NCK1: variants seen among roughly 807,000 people sequenced by gnomAD.
NCK1 encodes the protein SH2/SH3 adapter protein NCK1.
A neutral mutation model predicts 36.6 loss-of-function variants in NCK1; 19 were observed. The ratio of observed to expected loss-of-function variants is 0.52; its 90% confidence interval spans 0.36 to 0.76. NCK1 has a LOEUF of 0.76. Ranked by LOEUF, NCK1 falls within the 30% of genes least tolerant of loss-of-function variation. The pLI is 0.00. For missense variants in NCK1, 358 were observed against 445.6 expected, an observed-to-expected ratio of 0.80 and a Z score of 1.77; for synonymous variants, 165 against 156.0, an observed-to-expected ratio of 1.06 and a Z score of -0.43.
chr3:136,932,684 G>C (rs1213154423), intron 2 of NCK1, among the ~76,000 whole-genome samples: 1 of 152,176 alleles, frequency 6.6e-6, no homozygotes, highest in Non-Finnish European at 1.5e-5. Flanking sequence ...AGAGAGTTGG[G>C]CAAGACTAAA....
intron 2 of NCK1, among the ~76,000 whole-genome samples, chr3:136,942,462 C>T (rs992126728): frequency 6.6e-6 from 1 of 152,158 alleles, no homozygotes; most frequent in Non-Finnish European, 1.5e-5. Context: ...AACAGAGTTT[C>T]GTTAAACACC....
intron 1 of NCK1, among the ~76,000 whole-genome samples, chr3:136,917,232 CTTT>C (rs11455373): frequency 7.2e-6 from 1 of 139,204 alleles, no homozygotes; most frequent in Non-Finnish European, 1.5e-5. Flanking sequence ...ACATTATGAG[CTTT>C]TTTTTTTTTT....
At chr3:136,878,529 G>C (rs1034665998) in intron 1 of NCK1, among the ~76,000 whole-genome samples, 3 of 152,180 alleles carry the variant, frequency 2.0e-5, no homozygotes, top group Non-Finnish European at 4.4e-5. Context: ...ACTGGGAGTA[G>C]GGGAGGTTAG....
intron 2 of NCK1, among the ~76,000 whole-genome samples, chr3:136,932,118 CAAAAAAAA>C (rs1288026754): frequency 3.4e-5 from 2 of 59,342 alleles, no homozygotes; most frequent in South Asian, 5.5e-4. Flanking sequence ...GACTCCATCT[CAAAAAAAA>C]AAAAAAAAAA....
At chr3:136,897,169 A>C (rs1319684478) in intron 1 of NCK1, among the ~76,000 whole-genome samples, 2 of 152,148 alleles carry the variant, frequency 1.3e-5, no homozygotes, top group East Asian at 3.9e-4. Flanking sequence ...GCTCACTGCA[A>C]CCTCTGCCTC....
At chr3:136,934,366 A>G (rs1014902368) in intron 2 of NCK1, among the ~76,000 whole-genome samples, 1 of 150,318 alleles carries the variant, frequency 6.7e-6, no homozygotes, top group East Asian at 2.0e-4. Flanking sequence ...GCTCACTGCA[A>G]CCTCTGCCTT....
intron 1 of NCK1, among the ~76,000 whole-genome samples, chr3:136,865,408 C>T (rs1217452342): frequency 1.3e-5 from 2 of 152,128 alleles, no homozygotes; most frequent in East Asian, 1.9e-4. Flanking sequence ...CAAAAATTTT[C>T]TAGAGTTTTA....
intron 1 of NCK1, among the ~76,000 whole-genome samples, chr3:136,881,521 T>A (rs1005684556): frequency 8.5e-5 from 13 of 152,184 alleles, no homozygotes; most frequent in African/African-American, 2.7e-4. Flanking sequence ...CCAGCTTCTA[T>A]TTTTTATTGT....
intron 1 of NCK1, among the ~76,000 whole-genome samples, chr3:136,862,808 C>T (rs1025048941): frequency 3.3e-5 from 5 of 152,316 alleles, no homozygotes; most frequent in Non-Finnish European, 5.9e-5. Context: ...GGAGGGGAGG[C>T]GTCAGCCTGC....
chr3:136,893,198 A>ACACACACACACACCATATT (rs1347213828), intron 1 of NCK1, among the ~76,000 whole-genome samples: 1 of 132,162 alleles, frequency 7.6e-6, no homozygotes, highest in African/African-American at 2.8e-5. Flanking sequence ...ATATACACAC[A>ACACACACACACACCATATT]TGTGCAAGTA....
chr3:136,925,406 C>T (rs1389252377), intron 1 of NCK1, among the ~76,000 whole-genome samples: 2 of 152,094 alleles, frequency 1.3e-5, no homozygotes, highest in Non-Finnish European at 2.9e-5. Flanking sequence ...ATTGCGAGAT[C>T]CAGTGTATGC....
At chr3:136,918,563 C>T (rs1318921059) in intron 1 of NCK1, among the ~76,000 whole-genome samples, 1 of 152,174 alleles carries the variant, frequency 6.6e-6, no homozygotes, top group African/African-American at 2.4e-5. Flanking sequence ...GCACTGATTT[C>T]CCTTAGATTA....
At chr3:136,934,422 A>T (rs927184160) in intron 2 of NCK1, among the ~76,000 whole-genome samples, 1 of 151,850 alleles carries the variant, frequency 6.6e-6, no homozygotes, top group African/African-American at 2.4e-5. Context: ...AGTAGCTGGG[A>T]TTACAGGTGC....
chr3:136,888,146 T>C (rs1939124106), intron 1 of NCK1, among the ~76,000 whole-genome samples: 1 of 152,040 alleles, frequency 6.6e-6, no homozygotes, highest in South Asian at 2.1e-4. Context: ...GGTTTCGCCA[T>C]GTTGGCCAGG....
intron 1 of NCK1, among the ~76,000 whole-genome samples, chr3:136,876,262 A>G (rs1409125805): frequency 1.3e-5 from 2 of 152,338 alleles, no homozygotes; most frequent in Middle Eastern, 3.4e-3. Flanking sequence ...GCAAGAGCAA[A>G]CACATTCAAA....
intron 1 of NCK1, among the ~76,000 whole-genome samples, chr3:136,920,717 A>G (rs887115479): frequency 6.6e-6 from 1 of 152,210 alleles, no homozygotes; most frequent in African/African-American, 2.4e-5. Context: ...CAAACGTAAG[A>G]GCAATAATCT....
At chr3:136,931,456 A>T (rs1345735415) in intron 2 of NCK1, among the ~76,000 whole-genome samples, 1 of 152,184 alleles carries the variant, frequency 6.6e-6, no homozygotes, top group Non-Finnish European at 1.5e-5. Context: ...TTTGTTGAAA[A>T]AGAATGTTGT....
At chr3:136,882,098 A>G (rs1407024329) in intron 1 of NCK1, among the ~76,000 whole-genome samples, 2 of 152,096 alleles carry the variant, frequency 1.3e-5, no homozygotes. Context: ...AGGAACCACC[A>G]TACCATTTTC....
intron 3 of NCK1, chr3:136,947,028 A>G (rs1940847261): frequency 6.6e-6 from 1 of 152,150 alleles, no homozygotes; most frequent in East Asian, 1.9e-4. Flanking sequence ...CATTTATTAA[A>G]TCATGGTTAA....
Sources: gnomAD v4.1 joint callset for allele counts (sites outside exome capture counted in the v4.1 genomes callset) on GRCh38, gnomAD v4.1.1 for gene constraint, MANE v1.5 for transcripts, NCBI Gene and HGNC (gene_info 2026-07-23, HGNC 2026-07-21) for gene names.